Variants in PTK2B observed in about 807,000 individuals in gnomAD.
The protein encoded by PTK2B is protein tyrosine kinase 2 beta, also known as protein-tyrosine kinase 2-beta.
PTK2B carries 71 observed loss-of-function variants against 142.9 expected under a neutral mutation model. That is an observed-to-expected ratio of 0.50 (90% CI 0.41 to 0.61). PTK2B has a LOEUF of 0.61. PTK2B is among the 20% of genes least tolerant of loss of function. PTK2B has a pLI of 0.00. For synonymous variants in PTK2B, 519 were observed against 503.4 expected (o/e 1.03, Z -0.42); for missense variants, 1,105 against 1,320.4 (o/e 0.84, Z 2.53).
intron 1 of PTK2B, among the ~76,000 whole-genome samples, chr8:27,385,801 G>C (rs1364426850): frequency 3.8e-4 from 57 of 148,592 alleles, no homozygotes; most frequent in Non-Finnish European, 8.9e-5. Context: ...GCTGAGGCAT[G>C]AGAATCACTT....
chr8:27,319,712 C>T (rs1699416918), intron 3 of PTK2B, among the ~76,000 whole-genome samples: 1 of 150,684 alleles, frequency 6.6e-6, no homozygotes, highest in Non-Finnish European at 1.5e-5. Flanking sequence ...TGAGCTATAG[C>T]AATAGCAAGG....
At position 27,318,107 on chromosome 8, in the gene PTK2B, G is replaced by A. The variant is rs557253217; in HGVS notation, c.-413-4295G>A. Among the ~76,000 whole-genome samples the A allele has an allele frequency of 2.0e-5, 3 of 152,294 alleles. No individual in the cohort carries two copies. In the South Asian group the frequency reaches 6.2e-4, roughly 32 times the overall value. On this transcript the variant is annotated intron_variant, in intron 3 of 35. Coordinates refer to the PTK2B transcript ENST00000397501. ...GGCTAATAAAGTAATAGGAGTTAAT[G>A]AAGTATGCAGGGTTATTTGTCTCTG...
rs534443582 is a variant in PTK2B, at chr8:27,364,256, G to A, written c.-37-33292G>A. ...CATGCGATGCACCTCAGGCAGCTCA[G>A]AGAATGCACCTCAGGGGCTTCAGCC... On this transcript the variant is annotated intron_variant, in intron 1 of 30. Coordinates refer to ENST00000346049, the MANE Select transcript of PTK2B (RefSeq NM_173176.3). Among the ~76,000 whole-genome samples, 6 of 152,314 alleles carry A rather than the reference G, an allele frequency of 3.9e-5. No individual in the cohort carries two copies. In the East Asian group the frequency reaches 1.2e-3, roughly 29 times the overall value.
At chr8:27,323,693 C>G (rs1256933162), upstream of PTK2B, among the ~76,000 whole-genome samples, 2 of 152,142 alleles carry the variant, frequency 1.3e-5, no homozygotes, top group African/African-American at 4.8e-5. Context: ...GTTGCTTGTA[C>G]ATGACACTGG....
chr8:27,396,595 C>G (rs747371007), intron 1 of PTK2B, among the ~76,000 whole-genome samples: 75 of 152,190 alleles, frequency 4.9e-4, no homozygotes, highest in African/African-American at 1.8e-3. Context: ...GAAAGCTTCC[C>G]TAGTGATTAT....
chr8:27,322,308 C>T (rs904999950), upstream of PTK2B: 1 of 152,158 alleles, frequency 6.6e-6, no homozygotes, highest in Admixed American at 6.5e-5. Flanking sequence ...AATGTCGCAG[C>T]CCTGCCAATG....
chr8:27,359,593 C>A (rs952155312), intron 1 of PTK2B, among the ~76,000 whole-genome samples: 1 of 152,140 alleles, frequency 6.6e-6, no homozygotes, highest in Non-Finnish European at 1.5e-5. Flanking sequence ...TATGGAAATG[C>A]ACTCCAGAGT....
rs1173851830 is a variant in PTK2B at position 27,363,594 on chromosome 8, G to T, written c.-37-33954G>T. 1.3e-5 allele frequency among the ~76,000 whole-genome samples: 2 copies of T among 152,110 alleles called. No homozygotes were observed. The highest frequency in any genetic ancestry group is 2.9e-5 in the Non-Finnish European group (2 of 68,016). ...ACTCTGACTGCTCTTGCTGCTCTGA[G>T]CCTCTTGATTCTGATTTGGGTCTAC... On this transcript the variant is annotated intron_variant, in intron 1 of 30. Coordinates refer to ENST00000346049, the MANE Select transcript of PTK2B (RefSeq NM_173176.3). The surrounding 1 kb of genome is among the most constrained non-coding windows in gnomAD (Gnocchi z 4.3).
At position 27,407,957 on chromosome 8, in the gene PTK2B, A is replaced by G. The variant is rs116458009; in HGVS notation, c.204+10169A>G. ...TCTCAGTACAGCATCACATTCCAAC[A>G]TATATTAGTCTGCCATCTAAAAATA... On this transcript the variant is annotated intron_variant, in intron 2 of 30. Coordinates refer to ENST00000346049, the MANE Select transcript of PTK2B (RefSeq NM_173176.3). Among the ~76,000 whole-genome samples, 843 of 152,322 alleles carry G rather than the reference A, an allele frequency of 5.5e-3. 12 individuals are homozygous for G. Among genetic ancestry groups the G allele is most frequent in the African/African-American group, 0.019 (806 of 41,566 alleles).
chr8:27,374,427 G>C (rs950108512), intron 1 of PTK2B, among the ~76,000 whole-genome samples: 2 of 152,244 alleles, frequency 1.3e-5, no homozygotes, highest in Non-Finnish European at 2.9e-5. Flanking sequence ...ATAGGGCCCC[G>C]TGGGGCAGCA....
intron 3 of PTK2B, among the ~76,000 whole-genome samples, chr8:27,315,033 C>T (rs1333602711): frequency 6.6e-6 from 1 of 152,236 alleles, no homozygotes; most frequent in Non-Finnish European, 1.5e-5. Flanking sequence ...TTTCCCTTGG[C>T]CCACACATTA....
At chr8:27,432,049 A>G in intron 9 of PTK2B, 1 of 510,678 alleles carries the variant, frequency 2.0e-6, no homozygotes, top group Non-Finnish European at 3.5e-6. Context: ...GTGGTCCAAG[A>G]CAATTCTTCT....
chr8:27,345,769 C>T (rs1804676448), intron 1 of PTK2B, among the ~76,000 whole-genome samples: 1 of 152,108 alleles, frequency 6.6e-6, no homozygotes. Context: ...ACATACGAAA[C>T]CTATAACATT....
intron 1 of PTK2B, among the ~76,000 whole-genome samples, chr8:27,386,715 G>A (rs1807380751): frequency 6.6e-6 from 1 of 152,174 alleles, no homozygotes; most frequent in Admixed American, 6.5e-5. Context: ...TAAAGCAAAT[G>A]TTTGGCGTAT....
chr8:27,420,605 C>T (rs757911645), intron 3 of PTK2B, 52 bp from the exon 4 acceptor site: 1 of 1,556,986 alleles, frequency 6.4e-7, no homozygotes, highest in African/African-American at 1.4e-5. Context: ...CTACTCCTTT[C>T]TTCAGGCACC....
chr8:27,432,753 A>G (rs566942286), intron 10 of PTK2B, among the ~76,000 whole-genome samples: 1 of 128,274 alleles, frequency 7.8e-6, no homozygotes, highest in Non-Finnish European at 1.7e-5. Context: ...AAACACCCAG[A>G]GAGACCTCAG....
intron 26 of PTK2B, 85 bp downstream of exon 26, chr8:27,451,163 C>T: frequency 6.7e-7 from 1 of 1,486,390 alleles, no homozygotes; most frequent in South Asian, 1.1e-5. Flanking sequence ...CAACTTGCTC[C>T]TACCCCCAGG....
intron 1 of PTK2B, among the ~76,000 whole-genome samples, chr8:27,333,290 A>G (rs1308808533): frequency 1.3e-5 from 2 of 152,188 alleles, no homozygotes; most frequent in Non-Finnish European, 2.9e-5. Context: ...AGGGAGGCCA[A>G]TGTGTTTGGG....
chr8:27,447,346 A>G (rs1376480826), intron 24 of PTK2B, among the ~76,000 whole-genome samples: 1 of 152,266 alleles, frequency 6.6e-6, no homozygotes, highest in African/African-American at 2.4e-5. Flanking sequence ...AAACACTGAG[A>G]AAGTCTCTTC....
Sources: allele counts gnomAD v4.1 joint callset (sites outside exome capture counted in the v4.1 genomes callset), GRCh38; gene constraint gnomAD v4.1.1; non-coding constraint Gnocchi (gnomAD v3.1); transcripts MANE v1.5; gene names NCBI Gene and HGNC (gene_info 2026-07-23, HGNC 2026-07-21).